Variants in EYA4 observed in about 807,000 individuals in gnomAD.
The protein encoded by EYA4 is EYA transcriptional coactivator and phosphatase 4.
A neutral mutation model predicts 87.9 loss-of-function variants in EYA4; 31 were observed. The ratio of observed to expected loss-of-function variants is 0.35; its 90% confidence interval spans 0.27 to 0.48. The LOEUF (loss-of-function observed/expected upper bound fraction) is 0.48. Among genes scored for constraint, EYA4 ranks in the 20% least tolerant of loss-of-function variants. The pLI, the probability that EYA4 is intolerant of heterozygous loss-of-function variation, is 0.99. For missense variants in EYA4, 678 were observed against 761.4 expected, an observed-to-expected ratio of 0.89 and a Z score of 1.29; for synonymous variants, 263 against 270.6, an observed-to-expected ratio of 0.97 and a Z score of 0.28.
At chr6:133,410,586 A>T (rs900287540) in intron 3 of EYA4, among the ~76,000 whole-genome samples, 1 of 97,958 alleles carries the variant, frequency 1.0e-5, no homozygotes, top group African/African-American at 2.7e-5. Context: ...AGCTCCTCCT[A>T]ACCAAAAAAA....
In EYA4 at chr6:133,461,050, T is replaced by C. The variant is rs6933143; in HGVS notation, c.371-64T>C. 4,063 of 1,049,090 alleles carry C rather than the reference T, an allele frequency of 3.9e-3. 96 individuals are homozygous for C. In the African/African-American group the frequency reaches 0.053, roughly 14 times the overall value. 65.0% of individuals were successfully genotyped at this position (1,049,090 alleles called of 1,614,324 possible). A position where few individuals can be genotyped will look rare whatever the true frequency, so the allele number is the denominator to read the frequency against. Reference sequence around the variant, plus strand: ...TGGTAATTTCTTCAAATTGGTTATGTACACTCTAGTGAAATGTATTTATGA... The same window carrying C: ...TGGTAATTTCTTCAAATTGGTTATGCACACTCTAGTGAAATGTATTTATGA... On this transcript the variant is annotated intron_variant, in intron 6 of 19. Coordinates refer to ENST00000355286, the MANE Select transcript of EYA4 (RefSeq NM_004100.5).
intron 1 of EYA4, among the ~76,000 whole-genome samples, chr6:133,265,226 A>C (rs1776119447): frequency 1.3e-5 from 2 of 152,026 alleles, no homozygotes; most frequent in Admixed American, 1.3e-4. Context: ...CAGAAGAAAT[A>C]ATCTAATATG....
chr6:133,274,668 A>C (rs1582817100), intron 1 of EYA4, 48 bp from the exon 2 acceptor site: 3 of 875,664 alleles, frequency 3.4e-6, no homozygotes, highest in Non-Finnish European at 5.8e-6. Context: ...CTTACAAATG[A>C]ATATAAAGAT....
chr6:133,531,284 C>T lies in EYA4; in HGVS notation c.*2479C>T. The T allele has an allele frequency of 7.6e-7, 1 of 1,314,158 alleles. No individual in the cohort carries two copies. Among genetic ancestry groups the T allele is most frequent in the Non-Finnish European group, 1.1e-6 (1 of 946,260 alleles). The allele number at this position is 1,314,158 out of a possible 1,614,324, so 81.4% of individuals were successfully genotyped here. On this transcript the variant is annotated 3_prime_UTR_variant, in exon 20 of 20. Coordinates refer to ENST00000355286, the MANE Select transcript of EYA4 (RefSeq NM_004100.5). ...GTCTGGCACAACAATGGTGCAGGCC[C>T]ACGAGCCAGCATCACAGCTTGGCCA...
chr6:133,366,921 G>GT (rs367592122), intron 2 of EYA4, among the ~76,000 whole-genome samples: 77 of 152,042 alleles, frequency 5.1e-4, no homozygotes, highest in African/African-American at 1.7e-3. Flanking sequence ...CTATGCTTTT[G>GT]TTTTTTTCTT....
chr6:133,298,351 G>A (rs1041109809), intron 2 of EYA4, among the ~76,000 whole-genome samples: 4 of 152,126 alleles, frequency 2.6e-5, no homozygotes, highest in Non-Finnish European at 5.9e-5. Flanking sequence ...GATGAGAAGC[G>A]ACATTCAGAA....
rs533468668 is a variant in EYA4, at chr6:133,385,480, C to T, written c.83+3039C>T. 1.6e-4 allele frequency among the ~76,000 whole-genome samples: 24 copies of T among 147,260 alleles called. 1 individual carries two copies. Among genetic ancestry groups the T allele is most frequent in the Admixed American group, 1.2e-3 (17 of 14,628 alleles). ...GAGATTCAGATTGAGATTTAAAGCC[C>T]GGGGCTAGGTAGTTTTATTCTAAAC... is the stretch of plus-strand genomic sequence containing the variant. On this transcript the variant is annotated intron_variant, in intron 3 of 19. Coordinates refer to ENST00000355286, the MANE Select transcript of EYA4 (RefSeq NM_004100.5).
At chr6:133,273,030 C>T (rs61677962) in intron 1 of EYA4, among the ~76,000 whole-genome samples, 1 of 150,308 alleles carries the variant, frequency 6.7e-6, no homozygotes, top group Non-Finnish European at 1.5e-5. Context: ...TTAGACACCC[C>T]ACTCTTGTTA....
chr6:133,325,988 G>A (rs528520067), intron 2 of EYA4, among the ~76,000 whole-genome samples: 1 of 152,204 alleles, frequency 6.6e-6, no homozygotes, highest in Non-Finnish European at 1.5e-5. Context: ...GTTTGTTCCT[G>A]TTTGGTGGTC....
chr6:133,382,412 A>G lies in EYA4; in HGVS notation c.54A>G (p.Glu18=), dbSNP rs1786299526. The part of the protein sequence containing the change: ...NEQSVKKTCT[E]SDVSQSQNSR... The stretch of plus-strand genomic sequence containing the variant: ...TACAGGTAAAGAAAACGTGCACAGA[A>G]TCAGATGTTTCACAATCTCAGAATT... Residue 18 remains glutamate (E), a synonymous_variant, in exon 3 of 20, where the codon GAA becomes GAG. Coordinates refer to ENST00000355286, the MANE Select transcript of EYA4 (RefSeq NM_004100.5). 1 of 1,611,220 alleles carries G rather than the reference A, an allele frequency of 6.2e-7. No homozygotes were observed. Among genetic ancestry groups the G allele is most frequent in the South Asian group, 1.1e-5 (1 of 91,026 alleles).
intron 11 of EYA4, among the ~76,000 whole-genome samples, chr6:133,480,279 A>G (rs528134780): frequency 2.6e-4 from 40 of 152,312 alleles, no homozygotes; most frequent in African/African-American, 8.7e-4. Flanking sequence ...TGTTTAAGAG[A>G]ATCACACACA....
At chr6:133,513,581 T>C (rs1799343958) in intron 16 of EYA4, among the ~76,000 whole-genome samples, 1 of 152,188 alleles carries the variant, frequency 6.6e-6, no homozygotes, top group Non-Finnish European at 1.5e-5. Context: ...ATTATCATAG[T>C]TTTTAAAAGT....
At chr6:133,410,632 T>C (rs1789133546) in intron 3 of EYA4, among the ~76,000 whole-genome samples, 1 of 149,472 alleles carries the variant, frequency 6.7e-6, no homozygotes, top group East Asian at 1.9e-4. Flanking sequence ...AACTAAGGTC[T>C]TAATTCCTTC....
At chr6:133,352,081 A>G (rs1783686270) in intron 2 of EYA4, among the ~76,000 whole-genome samples, 1 of 151,988 alleles carries the variant, frequency 6.6e-6, no homozygotes, top group African/African-American at 2.4e-5. Flanking sequence ...CTGTTTTATT[A>G]TCACAGAAAC....
At chr6:133,403,880 G>C (rs1788470994) in intron 3 of EYA4, among the ~76,000 whole-genome samples, 1 of 151,320 alleles carries the variant, frequency 6.6e-6, no homozygotes, top group African/African-American at 2.5e-5. Context: ...GCATGATTTT[G>C]GCTCACCACA....
chr6:133,502,687 A>T (rs1021323795), intron 13 of EYA4: 2 of 152,216 alleles, frequency 1.3e-5, no homozygotes, highest in Non-Finnish European at 2.9e-5. Flanking sequence ...TAAGCTGGAA[A>T]AAAACAAAAT....
intron 2 of EYA4, among the ~76,000 whole-genome samples, chr6:133,347,481 T>C (rs1343284742): frequency 6.6e-6 from 1 of 152,162 alleles, no homozygotes; most frequent in East Asian, 1.9e-4. Flanking sequence ...TTTAAAATGG[T>C]GATTATTCAT....
At chr6:133,477,937 A>G (rs111575504) in intron 11 of EYA4, among the ~76,000 whole-genome samples, 15 of 152,084 alleles carry the variant, frequency 9.9e-5, no homozygotes, top group Non-Finnish European at 1.9e-4. Context: ...TTAATGGGCA[A>G]AAGATTTAAC....
intron 3 of EYA4, among the ~76,000 whole-genome samples, chr6:133,403,903 A>G (rs211615): frequency 0.95 from 144,892 of 152,220 alleles, 69,015 homozygotes; most frequent in East Asian, 1. Flanking sequence ...CTCTGCCCCC[A>G]GAGTTCAAGC....
Sources: gnomAD v4.1 joint callset for allele counts (sites outside exome capture counted in the v4.1 genomes callset) on GRCh38, gnomAD v4.1.1 for gene constraint, MANE v1.5 for transcripts, NCBI Gene and HGNC (gene_info 2026-07-23, HGNC 2026-07-21) for gene names.